Variants in C13orf42 observed in about 807,000 individuals in gnomAD.
The protein encoded by C13orf42 is uncharacterized protein C13orf42.
At chr13:51,137,037 AC>A (rs1953662645) in intron 1 of C13orf42, among the ~76,000 whole-genome samples, 1 of 152,100 alleles carries the variant, frequency 6.6e-6, no homozygotes, top group Non-Finnish European at 1.5e-5. Flanking sequence ...AAAGTCAAGT[AC>A]CTGGCCCCAT....
At chr13:51,154,221 G>A (rs374655556) in intron 1 of C13orf42, among the ~76,000 whole-genome samples, 1 of 152,008 alleles carries the variant, frequency 6.6e-6, no homozygotes, top group African/African-American at 2.4e-5. Context: ...GTCACATTTT[G>A]TTTATCCATT....
At chr13:51,128,035 CT>C (rs1486432093) in intron 1 of C13orf42, among the ~76,000 whole-genome samples, 1 of 152,190 alleles carries the variant, frequency 6.6e-6, no homozygotes, top group African/African-American at 2.4e-5. Context: ...CAAGAATCAC[CT>C]CTGGTCGTCC....
intron 1 of C13orf42, among the ~76,000 whole-genome samples, chr13:51,155,497 C>G (rs1953817715): frequency 6.6e-6 from 1 of 152,168 alleles, no homozygotes; most frequent in Non-Finnish European, 1.5e-5. Context: ...CGCTGGAAAC[C>G]CACTACAGCC....
chr13:51,089,312 G>A (rs559892263), intron 1 of C13orf42, among the ~76,000 whole-genome samples: 4 of 152,218 alleles, frequency 2.6e-5, no homozygotes, highest in Admixed American at 1.3e-4. Context: ...TTTCTTAGAG[G>A]AAGATGTTGA....
chr13:51,113,577 T>C (rs2138006998), upstream of C13orf42, among the ~76,000 whole-genome samples: 1 of 152,106 alleles, frequency 6.6e-6, no homozygotes, highest in South Asian at 2.1e-4. Context: ...TGTGTGTGTG[T>C]GTGTGTGTGT....
chr13:51,158,762 T>C (rs572770027), intron 1 of C13orf42, among the ~76,000 whole-genome samples: 53 of 152,256 alleles, frequency 3.5e-4, no homozygotes, highest in Admixed American at 9.2e-4. Context: ...CTGGGGGTTT[T>C]CCACCCCACT....
Position 51,129,058 on chromosome 13 carries a change from C to A in C13orf42, n.137-15836G>T, listed in dbSNP as rs574927918. 2.8e-4 allele frequency among the ~76,000 whole-genome samples: 43 copies of A among 152,320 alleles called. 1 individual carries two copies. The highest frequency in any genetic ancestry group is 1.0e-3 in the African/African-American group (42 of 41,562). On this transcript the variant is annotated intron_variant and non_coding_transcript_variant, in intron 1 of 4. Transcript: ENST00000433280. ...TAGACTGGGGTACCTGAGCTTTAAT[C>A]ATGCCTAGAACTACTCTCTTAACCA...
chr13:51,100,152 C>T (rs1176454537), intron 1 of C13orf42, among the ~76,000 whole-genome samples: 2 of 149,426 alleles, frequency 1.3e-5, no homozygotes, highest in Non-Finnish European at 3.0e-5. Flanking sequence ...TGCTGATAGA[C>T]AAAGGGATTG....
At chr13:51,100,187 C>G (rs1421293444) in intron 1 of C13orf42, among the ~76,000 whole-genome samples, 1 of 150,588 alleles carries the variant, frequency 6.6e-6, no homozygotes, top group South Asian at 2.1e-4. Context: ...AAAAGAAAAA[C>G]GGAACTATTA....
intron 1 of C13orf42, among the ~76,000 whole-genome samples, chr13:51,149,407 GA>G (rs1953763174): frequency 6.6e-6 from 1 of 151,772 alleles, no homozygotes; most frequent in Admixed American, 6.6e-5. Context: ...GTTTGCAAAG[GA>G]AACCTAGCAA....
At chr13:51,130,446 T>C (rs972586440) in intron 1 of C13orf42, among the ~76,000 whole-genome samples, 44 of 152,278 alleles carry the variant, frequency 2.9e-4, no homozygotes, top group African/African-American at 1.0e-3. Flanking sequence ...AAATGACTGG[T>C]TGTTTAAAAA....
At chr13:51,147,047 C>T (rs767961851) in intron 1 of C13orf42, among the ~76,000 whole-genome samples, 1 of 152,220 alleles carries the variant, frequency 6.6e-6, no homozygotes, top group Non-Finnish European at 1.5e-5. Flanking sequence ...AGCAGTAAAA[C>T]AGCTGCAGCT....
chr13:51,132,732 C>T (rs1344373488), intron 1 of C13orf42, among the ~76,000 whole-genome samples: 7 of 152,090 alleles, frequency 4.6e-5, no homozygotes, highest in Admixed American at 4.6e-4. Context: ...AGAGCAACTC[C>T]ATCTTGAATA....
chr13:51,107,626 C>G (rs570954092), intron 1 of C13orf42, among the ~76,000 whole-genome samples: 1 of 152,318 alleles, frequency 6.6e-6, no homozygotes, highest in South Asian at 2.1e-4. Context: ...GAGAACACTG[C>G]TCCCTCCCTA....
chr13:51,136,486 C>A (rs905817632), intron 1 of C13orf42, among the ~76,000 whole-genome samples: 23 of 152,282 alleles, frequency 1.5e-4, no homozygotes, highest in Admixed American at 7.2e-4. Flanking sequence ...ATTTGGACAG[C>A]TCCCGTCTAA....
At chr13:51,091,610 G>A (rs1485701788) in intron 1 of C13orf42, among the ~76,000 whole-genome samples, 1 of 152,042 alleles carries the variant, frequency 6.6e-6, no homozygotes, top group East Asian at 1.9e-4. Flanking sequence ...CTCTCCTGGG[G>A]TGCTTTTAAA....
intron 1 of C13orf42, among the ~76,000 whole-genome samples, chr13:51,164,456 G>A (rs1953890172): frequency 6.6e-6 from 1 of 152,336 alleles, no homozygotes. Flanking sequence ...GAAGCCAGGA[G>A]TTCAAGACCA....
chr13:51,116,002 A>G (rs1386860180), upstream of C13orf42, among the ~76,000 whole-genome samples: 1 of 151,866 alleles, frequency 6.6e-6, no homozygotes, highest in Non-Finnish European at 1.5e-5. Context: ...CCACATATGA[A>G]GACCAAAAGC....
intron 1 of C13orf42, among the ~76,000 whole-genome samples, chr13:51,123,484 T>C (rs917813675): frequency 6.6e-6 from 1 of 152,174 alleles, no homozygotes; most frequent in Non-Finnish European, 1.5e-5. Flanking sequence ...TCTCTTCAAA[T>C]TTCAAAGCAG....
Sources: allele counts gnomAD v4.1 joint callset (sites outside exome capture counted in the v4.1 genomes callset), GRCh38; gene constraint gnomAD v4.1.1; transcripts MANE v1.5; gene names NCBI Gene and HGNC (gene_info 2026-07-23, HGNC 2026-07-21).